The following DERA variants were observed in gnomAD, a reference collection of about 807,000 sequenced individuals.
DERA encodes deoxyribose-phosphate aldolase.
Under a neutral mutation model 41.1 loss-of-function variants are expected in DERA, and 15 were observed. The observed-to-expected ratio is 0.37, with a 90% CI of 0.24 to 0.56. The LOEUF is 0.56. Among genes scored for constraint, DERA ranks in the 20% least tolerant of loss-of-function variants. The pLI, the probability that DERA is intolerant of heterozygous loss-of-function variation, is 0.81. For missense variants in DERA, 396 were observed against 403.4 expected (o/e 0.98, Z 0.16); for synonymous variants, 139 against 137.4 (o/e 1.01, Z -0.08).
chr12:15,957,048 T>C lies in DERA; in HGVS notation c.129+15T>C. ...AGGAGTGGCAGGTAAGGGTTCTTCTTGAGCATTCTGTGCCTGTATTTTACA... is the reference window on the plus strand; with the variant it reads ...AGGAGTGGCAGGTAAGGGTTCTTCTCGAGCATTCTGTGCCTGTATTTTACA... On this transcript the variant is annotated intron_variant, in intron 2 of 8. Transcript: ENST00000428559. This position sits in a 1 kb window ranked among gnomAD's most constrained non-coding sequence, Gnocchi z 4.8. 6 of 1,604,106 alleles carry C rather than the reference T, an allele frequency of 3.7e-6. No homozygotes were observed. Among genetic ancestry groups the C allele is most frequent in the Non-Finnish European group, 5.1e-6 (6 of 1,171,138 alleles).
chr12:15,933,325 A>C (rs1349010968), intron 1 of DERA, among the ~76,000 whole-genome samples: 2 of 152,032 alleles, frequency 1.3e-5, no homozygotes, highest in East Asian at 3.8e-4. Flanking sequence ...ACATCCTGTC[A>C]TTTTTTTAAA....
In DERA at chr12:15,990,044, T is replaced by C. The variant is rs1289462105; in HGVS notation, c.637+7608T>C. On this transcript the variant is annotated intron_variant, in intron 6 of 8. Coordinates refer to ENST00000428559, the MANE Select transcript of DERA (RefSeq NM_015954.4). The surrounding 1 kb of genome is among the most constrained non-coding windows in gnomAD (Gnocchi z 4.3). ...TGCAGCAAGGTATGTGAGTGCATCA[T>C]AAACTGTAAATAAAGTACTTTGCAA... 6.6e-6 allele frequency among the ~76,000 whole-genome samples: 1 copy of C among 152,208 alleles called. No individual in the cohort carries two copies. The highest frequency in any genetic ancestry group is 1.5e-5 in the Non-Finnish European group (1 of 68,036).
chr12:15,958,155 A>G, intron 2 of DERA, 33 bp from the exon 3 acceptor site: 1 of 1,508,926 alleles, frequency 6.6e-7, no homozygotes, highest in African/African-American at 1.4e-5. Context: ...TTATTTATTA[A>G]ATTTACTTTG....
Position 15,983,950 on chromosome 12 carries a change from G to A in DERA, c.637+1514G>A, listed in dbSNP as rs1055633335. Among the ~76,000 whole-genome samples the A allele has an allele frequency of 3.9e-5, 6 of 152,166 alleles. No individual in the cohort carries two copies. Among genetic ancestry groups the A allele is most frequent in the African/African-American group, 1.4e-4 (6 of 41,440 alleles). On this transcript the variant is annotated intron_variant, in intron 6 of 8. Coordinates refer to ENST00000428559, the MANE Select transcript of DERA (RefSeq NM_015954.4). This position sits in a 1 kb window ranked among gnomAD's most constrained non-coding sequence, Gnocchi z 6.2. ...GATGTTGGCATTTCAAAGATTCACA[G>A]TAGAAGACTCACTGTGCCTCTTAGG...
At position 15,976,436 on chromosome 12, in the gene DERA, G is replaced by A. The variant is rs149116165; in HGVS notation, c.509-5872G>A. 7.2e-4 allele frequency among the ~76,000 whole-genome samples: 110 copies of A among 152,188 alleles called. No homozygotes were observed. Among genetic ancestry groups the A allele is most frequent in the African/African-American group, 2.6e-3 (106 of 41,528 alleles). ...CTCGCCTCCATCATGTTGCCATGAT[G>A]TAGCAACATGCAGGCCAAGAATTTC... On this transcript the variant is annotated intron_variant, in intron 5 of 8. Coordinates refer to ENST00000428559, the MANE Select transcript of DERA (RefSeq NM_015954.4). This position sits in a 1 kb window ranked among gnomAD's most constrained non-coding sequence, Gnocchi z 4.1.
chr12:15,942,346 G>T (rs1412733353), intron 1 of DERA, among the ~76,000 whole-genome samples: 1 of 151,856 alleles, frequency 6.6e-6, no homozygotes, highest in African/African-American at 2.4e-5. Flanking sequence ...TTTTTGCTGT[G>T]CAGAAGCTTC....
intron 1 of DERA, among the ~76,000 whole-genome samples, chr12:15,950,030 T>A (rs765600083): frequency 9.3e-4 from 141 of 152,288 alleles, no homozygotes; most frequent in Admixed American, 2.0e-3. Flanking sequence ...GTCCCTGCTT[T>A]GCCTTAGATA....
intron 6 of DERA, among the ~76,000 whole-genome samples, chr12:16,023,719 C>G (rs1196886075): frequency 6.6e-6 from 1 of 151,910 alleles, no homozygotes; most frequent in Admixed American, 6.6e-5. Context: ...CCTCGTGATC[C>G]GCCCGCCTCG....
chr12:16,036,545 G>A lies in DERA; in HGVS notation c.901-145G>A. On this transcript the variant is annotated intron_variant, in intron 8 of 8. Coordinates refer to ENST00000428559, the MANE Select transcript of DERA (RefSeq NM_015954.4). The surrounding 1 kb of genome is among the most constrained non-coding windows in gnomAD (Gnocchi z 4.9). Reference sequence around the variant, plus strand: ...CAAACCGCCATCAGAAGTGAGTAGGGTGGAGATTCTGCTGAAGCACATACT... The same window carrying A: ...CAAACCGCCATCAGAAGTGAGTAGGATGGAGATTCTGCTGAAGCACATACT... 1 of 1,001,368 alleles carries A rather than the reference G, an allele frequency of 1.0e-6. No homozygotes were observed. Among genetic ancestry groups the A allele is most frequent in the Non-Finnish European group, 1.5e-6 (1 of 686,258 alleles). The allele number at this position is 1,001,368 out of a possible 1,614,324, so 62.0% of individuals were successfully genotyped here.
In DERA at chr12:15,982,233, A is replaced by G. The variant is rs1948736953; in HGVS notation, c.509-75A>G. The G allele has an allele frequency of 3.5e-6, 5 of 1,448,638 alleles. No homozygotes were observed. Among genetic ancestry groups the G allele is most frequent in the Non-Finnish European group, 4.7e-6 (5 of 1,069,376 alleles). 89.7% of individuals were successfully genotyped at this position (1,448,638 alleles called of 1,614,324 possible). A position where few individuals can be genotyped will look rare whatever the true frequency, so the allele number is the denominator to read the frequency against. ...GTTTCCTAAATGTGAAATGGGTTCC[A>G]CCAGCTCTAAACGGCTGCCAAGTTA... On this transcript the variant is annotated intron_variant, in intron 5 of 8. Coordinates refer to ENST00000428559, the MANE Select transcript of DERA (RefSeq NM_015954.4). The surrounding 1 kb of genome is among the most constrained non-coding windows in gnomAD (Gnocchi z 4.0).
At position 15,972,890 on chromosome 12, in the gene DERA, G is replaced by A. The variant is rs1056243264; in HGVS notation, c.509-9418G>A. ...TCGATGCAAGTTCCTGCTGGCGTGCGGGGACAGCATTGCAGAAGGTAGGGC... is the reference window on the plus strand; with the variant it reads ...TCGATGCAAGTTCCTGCTGGCGTGCAGGGACAGCATTGCAGAAGGTAGGGC... On this transcript the variant is annotated intron_variant, in intron 5 of 8. Coordinates refer to ENST00000428559, the MANE Select transcript of DERA (RefSeq NM_015954.4). The surrounding 1 kb of genome is among the most constrained non-coding windows in gnomAD (Gnocchi z 4.4). 1.9e-4 allele frequency among the ~76,000 whole-genome samples: 29 copies of A among 152,150 alleles called. No individual in the cohort carries two copies. Among genetic ancestry groups the A allele is most frequent in the African/African-American group, 6.8e-4 (28 of 41,428 alleles).
intron 6 of DERA, among the ~76,000 whole-genome samples, chr12:16,030,424 A>T (rs554144895): frequency 3.9e-5 from 6 of 152,078 alleles, no homozygotes; most frequent in Middle Eastern, 3.4e-3. Context: ...GGAGGCTTTA[A>T]TCTCTTCTTT....
At chr12:15,919,208 G>T (rs978138944) in intron 1 of DERA, among the ~76,000 whole-genome samples, 1 of 151,828 alleles carries the variant, frequency 6.6e-6, no homozygotes, top group African/African-American at 2.4e-5. Context: ...TGGGTTTGTT[G>T]TATAATTAAA....
chr12:16,036,245 C>T lies in DERA; in HGVS notation c.764C>T (p.Pro255Leu). ...CTTCCCATTTAGATAGGGTTTAAAC[C>T]AGCAGGAGGCATCCGCAGTGCAAAG... ...WKTGNKIGFK[P>L]AGGIRSAKDS... Residue 255 changes from proline to leucine, a missense_variant, in exon 8 of 9, where the codon CCA becomes CTA. Coordinates refer to ENST00000428559, the MANE Select transcript of DERA (RefSeq NM_015954.4). This position sits in a 1 kb window ranked among gnomAD's most constrained non-coding sequence, Gnocchi z 4.9. 1 of 1,608,824 alleles carries T rather than the reference C, an allele frequency of 6.2e-7. No individual in the cohort carries two copies. The highest frequency in any genetic ancestry group is 8.5e-7 in the Non-Finnish European group (1 of 1,177,976).
rs1379416002 is a variant in DERA, at chr12:15,940,372, G to A, written c.32-16564G>A. Among the ~76,000 whole-genome samples, 3 of 151,728 alleles carry A rather than the reference G, an allele frequency of 2.0e-5. No individual in the cohort carries two copies. Among genetic ancestry groups the A allele is most frequent in the Admixed American group, 2.0e-4 (3 of 15,210 alleles). ...ATTTTATTATTATTTTTTTATTTGA[G>A]ATGGAGTCTGGCTCTGTTACACAGG... is the stretch of plus-strand genomic sequence containing the variant. On this transcript the variant is annotated intron_variant, in intron 1 of 8. Transcript: ENST00000428559. This position sits in a 1 kb window ranked among gnomAD's most constrained non-coding sequence, Gnocchi z 5.1.
intron 1 of DERA, among the ~76,000 whole-genome samples, chr12:15,942,856 A>T (rs1948418557): frequency 6.6e-6 from 1 of 152,194 alleles, no homozygotes; most frequent in Admixed American, 6.5e-5. Flanking sequence ...TTTATTTTCA[A>T]CTTTGTTAAG....
In DERA at chr12:16,001,988, T is replaced by TA. The variant is rs1555157431; in HGVS notation, c.637+19552_637+19553insA. The stretch of plus-strand genomic sequence containing the variant: ...TGTAACAGCAAGGTTATTCTTTTTT[T>TA]TTATTATTATTATGCTTTAAGTTTT... On this transcript the variant is annotated intron_variant, in intron 6 of 8. Coordinates refer to ENST00000428559, the MANE Select transcript of DERA (RefSeq NM_015954.4). This position sits in a 1 kb window ranked among gnomAD's most constrained non-coding sequence, Gnocchi z 4.1. Among the ~76,000 whole-genome samples the TA allele has an allele frequency of 2.6e-5, 4 of 152,152 alleles. No homozygotes were observed. Among genetic ancestry groups the TA allele is most frequent in the Non-Finnish European group, 5.9e-5 (4 of 68,026 alleles).
chr12:16,012,536 G>C lies in DERA; in HGVS notation c.638-20006G>C, dbSNP rs980418511. Among the ~76,000 whole-genome samples the C allele has an allele frequency of 2.6e-5, 4 of 152,186 alleles. No homozygotes were observed. Among genetic ancestry groups the C allele is most frequent in the African/African-American group, 9.6e-5 (4 of 41,458 alleles). ...TTACTTACAGATCTTTTGCATTGCT[G>C]AGTGAAATATTCAAATTTGGGAGCA... On this transcript the variant is annotated intron_variant, in intron 6 of 8. Transcript: ENST00000428559. This position sits in a 1 kb window ranked among gnomAD's most constrained non-coding sequence, Gnocchi z 4.1.
At chr12:15,977,688 C>G (rs573164210) in intron 5 of DERA, among the ~76,000 whole-genome samples, 1 of 152,286 alleles carries the variant, frequency 6.6e-6, no homozygotes, top group Admixed American at 6.5e-5. Context: ...GAACTCCTGA[C>G]CTCAGGTGAT....
Sources: gnomAD v4.1 joint callset for allele counts (sites outside exome capture counted in the v4.1 genomes callset) on GRCh38, gnomAD v4.1.1 for gene constraint, Gnocchi (gnomAD v3.1) non-coding constraint, MANE v1.5 for transcripts, NCBI Gene and HGNC (gene_info 2026-07-23, HGNC 2026-07-21) for gene names.